TBL2: variants seen among roughly 807,000 people sequenced by gnomAD.
The protein encoded by TBL2 is transducin beta like 2, also known as transducin beta-like protein 2.
TBL2 carries 33 observed loss-of-function variants against 41.8 expected under a neutral mutation model. That is an observed-to-expected ratio of 0.79 (90% confidence interval 0.60 to 1.06). TBL2 has a LOEUF of 1.06. TBL2 is among the 50% of genes least tolerant of loss of function. The pLI is 0.00. For synonymous variants in TBL2, 239 were observed against 241.7 expected (o/e 0.99, Z 0.10); for missense variants, 522 against 603.8 (o/e 0.86, Z 1.42).
intron 2 of TBL2, 54 bp downstream of exon 2, chr7:73,574,329 A>G (rs1233135814): frequency 1.8e-5 from 29 of 1,607,270 alleles, no homozygotes; most frequent in Non-Finnish European, 2.5e-5. Context: ...CTCCAGAGGA[A>G]AAGCCTGTGG....
chr7:73,573,726 T>C (rs6976490), intron 3 of TBL2: 67,545 of 755,734 alleles, frequency 0.089, 3,802 homozygotes, highest in African/African-American at 0.2. Flanking sequence ...TATTTCCAGG[T>C]AGGAAGAGAC....
chr7:73,570,430 G>T lies in TBL2; in HGVS notation c.*77C>A, dbSNP rs1297288289. The stretch of plus-strand genomic sequence containing the variant: ...GACTCCTTCTGAAAGGCTTCCACCT[G>T]GGAGGAAAGATGGCAGCAGTGCCAT... On this transcript the variant is annotated 3_prime_UTR_variant, in exon 7 of 7. Coordinates refer to ENST00000305632, the MANE Select transcript of TBL2 (RefSeq NM_012453.4). 7.0e-7 allele frequency: 1 copy of T among 1,431,108 alleles called. No homozygotes were observed. The highest frequency in any genetic ancestry group is 9.1e-7 in the Non-Finnish European group (1 of 1,096,884). The allele number at this position is 1,431,108 out of a possible 1,614,324, so 88.7% of individuals were successfully genotyped here.
chr7:73,575,681 C>T (rs1554588779), intron 1 of TBL2, among the ~76,000 whole-genome samples: 1 of 152,200 alleles, frequency 6.6e-6, no homozygotes, highest in Non-Finnish European at 1.5e-5. Flanking sequence ...ATCTGCCTGC[C>T]TTGGCCTCCC....
intron 5 of TBL2, 173 bp from the exon 6 acceptor site, chr7:73,571,514 TG>T (rs1428509081): frequency 5.2e-5 from 42 of 811,616 alleles, no homozygotes; most frequent in Non-Finnish European, 7.7e-5. Flanking sequence ...CCCAGCACTT[TG>T]GGAGGCCGAG....
At chr7:73,578,161 G>A in intron 1 of TBL2, 1 of 1,308,574 alleles carries the variant, frequency 7.6e-7, no homozygotes, top group Non-Finnish European at 1.0e-6. Context: ...TGGCCACCCC[G>A]GGGACGGCCT....
chr7:73,573,942 A>G lies in TBL2; in HGVS notation c.442T>C (p.Cys148Arg), dbSNP rs782606996. ...TGAGGCTCCGTCTTGTCCCACCTGCAGTCAGGGCTGAAGCGCACCAGGGTG... is the reference window on the plus strand; with the variant it reads ...TGAGGCTCCGTCTTGTCCCACCTGCGGTCAGGGCTGAAGCGCACCAGGGTG... The part of the protein sequence containing the change: ...HATLVRFSPD[C>R]RAFIVWLANG... Residue 148 changes from cysteine (C) to arginine (R), a missense_variant, in exon 3 of 7, where the codon TGC (cysteine) becomes CGC (arginine). By Grantham distance (180) the Cys-to-Arg change is radical. Transcript: ENST00000305632. The G allele has an allele frequency of 1.2e-6, 2 of 1,613,252 alleles. No individual in the cohort carries two copies. Among genetic ancestry groups the G allele is most frequent in the Non-Finnish European group, 1.7e-6 (2 of 1,179,940 alleles).
At chr7:73,574,238 G>T (rs1759996808) in intron 2 of TBL2, 116 bp from the exon 3 acceptor site, 3 of 1,525,172 alleles carry the variant, frequency 2.0e-6, no homozygotes, top group Non-Finnish European at 2.7e-6. Flanking sequence ...GCTGAGATTG[G>T]GCTGCGATGA....
rs1346006907 is a variant in TBL2, at chr7:73,570,933, C to G, written c.918G>C (p.Trp306Cys). The G allele has an allele frequency of 6.2e-7, 1 of 1,611,904 alleles. No individual in the cohort carries two copies. Among genetic ancestry groups the G allele is most frequent in the Non-Finnish European group, 8.5e-7 (1 of 1,178,946 alleles). Reference sequence around the variant, plus strand: ...TCTTCTTGTATTCCACATCTGTGTCCCACAGTTTCCATGTACCATCCTTGG... The same window carrying G: ...TCTTCTTGTATTCCACATCTGTGTCGCACAGTTTCCATGTACCATCCTTGG... Reference protein sequence around the residue: ...SVSKDGTWKLWDTDVEYKKKQ... With the variant: ...SVSKDGTWKLCDTDVEYKKKQ... The change falls in exon 7 of 7, where the codon TGG becomes TGC. Residue 306 changes from tryptophan (W) to cysteine (C), a missense_variant. Physicochemically the swap from Trp to Cys is radical, Grantham distance 215. Coordinates refer to ENST00000305632, the MANE Select transcript of TBL2 (RefSeq NM_012453.4).
At chr7:73,576,035 A>C (rs989246938) in intron 1 of TBL2, among the ~76,000 whole-genome samples, 13 of 151,622 alleles carry the variant, frequency 8.6e-5, no homozygotes, top group Non-Finnish European at 1.8e-4. Flanking sequence ...CTGTCTCAAA[A>C]TAAATAAATA....
chr7:73,574,741 C>T (rs1554588603), intron 1 of TBL2: 12 of 611,836 alleles, frequency 2.0e-5, no homozygotes, highest in East Asian at 1.6e-4. Flanking sequence ...CCCAGGAGTT[C>T]GAGGCTGCAG....
intron 4 of TBL2, 155 bp from the exon 5 acceptor site, chr7:73,573,125 C>T: frequency 1.5e-6 from 2 of 1,360,728 alleles, no homozygotes; most frequent in Non-Finnish European, 2.0e-6. Context: ...GACTGTGGCC[C>T]TTCCCCACCT....
Position 73,578,485 on chromosome 7 carries a change from A to C in TBL2, c.65T>G (p.Met22Arg). 6.3e-7 allele frequency: 1 copy of C among 1,583,668 alleles called. No individual in the cohort carries two copies. Among genetic ancestry groups the C allele is most frequent in the Non-Finnish European group, 8.6e-7 (1 of 1,168,030 alleles). Residue 22 changes from methionine (M) to arginine (R), a missense_variant, in exon 1 of 7, where the codon ATG becomes AGG. Transcript: ENST00000305632. ...LSVLLGLLALMATAAVARGWL... is the reference protein window; with the variant it reads ...LSVLLGLLALRATAAVARGWL... ...CCCCCGCGCTACCGCCGCCGTCGCC[A>C]TCAGGGCCAGCAGCCCAAGCAACAC...
chr7:73,577,645 C>A (rs1793421553), intron 1 of TBL2, among the ~76,000 whole-genome samples: 1 of 152,182 alleles, frequency 6.6e-6, no homozygotes, highest in Non-Finnish European at 1.5e-5. Flanking sequence ...CTAACCTCTT[C>A]TATGAAACTT....
chr7:73,573,571 A>G (rs1044679762), intron 3 of TBL2, 100 bp from the exon 4 acceptor site: 43 of 1,473,926 alleles, frequency 2.9e-5, no homozygotes, highest in Middle Eastern at 4.9e-4. Context: ...ATCTCTCCTC[A>G]TGCCCCACAG....
chr7:73,574,917 G>A (rs782177288), intron 1 of TBL2: 5 of 348,266 alleles, frequency 1.4e-5, no homozygotes, highest in Non-Finnish European at 2.8e-5. Context: ...GCTGTTTACA[G>A]TAAGTCCACA....
Position 73,578,578 on chromosome 7 carries a change from G to C in TBL2, c.-29C>G. ...GGTGGAACCACTGCCACCTCAGCTA[G>C]TGAGTACGCGGGCGCCCGCACGGCT... On this transcript the variant is annotated 5_prime_UTR_variant, in exon 1 of 7. Transcript: ENST00000305632. 2 of 1,571,772 alleles carry C rather than the reference G, an allele frequency of 1.3e-6. No individual in the cohort carries two copies. The highest frequency in any genetic ancestry group is 2.5e-5 in the East Asian group (1 of 40,514).
At chr7:73,571,983 A>G in intron 5 of TBL2, 1 of 160,934 alleles carries the variant, frequency 6.2e-6, no homozygotes, top group Non-Finnish European at 1.4e-5. Context: ...GAATCGCTTG[A>G]ACCCGGGAGA....
intron 1 of TBL2, 116 bp from the exon 2 acceptor site, chr7:73,574,629 T>G: frequency 6.9e-7 from 1 of 1,452,746 alleles, no homozygotes; most frequent in African/African-American, 1.4e-5. Flanking sequence ...ATGGCCCTTG[T>G]CTTCTGGAGG....
Position 73,574,424 on chromosome 7 carries a change from G to C in TBL2, c.220C>G (p.Gln74Glu). 6.2e-7 allele frequency: 1 copy of C among 1,614,060 alleles called. No homozygotes were observed. Among genetic ancestry groups the C allele is most frequent in the South Asian group, 1.1e-5 (1 of 91,082 alleles). The change falls in exon 2 of 7, where the codon CAA becomes GAA. Residue 74 changes from glutamine (Q) to glutamate (E), a missense_variant. Gln to Glu is a conservative substitution (Grantham distance 29, BLOSUM62 2). Coordinates refer to ENST00000305632, the MANE Select transcript of TBL2 (RefSeq NM_012453.4). ...AGGAGGCGGTGGGTGAAGTTGTGTT[G>C]TTGAGGCTTCTCCTTCCGAATCCGC... is the stretch of plus-strand genomic sequence containing the variant. ...YQRIRKEKPQ[Q>E]HNFTHRLLAA...
Sources: allele counts gnomAD v4.1 joint callset (sites outside exome capture counted in the v4.1 genomes callset), GRCh38; gene constraint gnomAD v4.1.1; transcripts MANE v1.5; gene names NCBI Gene and HGNC (gene_info 2026-07-23, HGNC 2026-07-21).